The following PDZD8 variants were observed in gnomAD, a reference collection of about 807,000 sequenced individuals.
PDZD8 encodes PDZ domain-containing protein 8.
A neutral mutation model predicts 85.8 loss-of-function variants in PDZD8; 14 were observed. The observed-to-expected ratio is 0.16, with a 90% CI of 0.11 to 0.26. The LOEUF (loss-of-function observed/expected upper bound fraction) is 0.26. Ranked by LOEUF, PDZD8 falls within the 10% of genes least tolerant of loss-of-function variation. The probability of loss-of-function intolerance (pLI) is 1.00; values close to 1 mark genes in which losing one functional copy is unlikely to be tolerated. For missense variants in PDZD8, 1,197 were observed against 1,424.3 expected (o/e 0.84, Z 2.57); for synonymous variants, 592 against 568.6 (o/e 1.04, Z -0.59).
intron 3 of PDZD8, among the ~76,000 whole-genome samples, chr10:117,308,215 T>G (rs1303852354): frequency 6.6e-6 from 1 of 152,108 alleles, no homozygotes; most frequent in Non-Finnish European, 1.5e-5. Flanking sequence ...CAGCTCTTAA[T>G]AAGCTTGCTG....
At chr10:117,322,183 C>G (rs1367373128) in intron 2 of PDZD8, among the ~76,000 whole-genome samples, 1 of 152,066 alleles carries the variant, frequency 6.6e-6, no homozygotes, top group African/African-American at 2.4e-5. Context: ...AAGAACAAAC[C>G]AAATAAGGGG....
intron 3 of PDZD8, among the ~76,000 whole-genome samples, chr10:117,292,687 CTTAAT>C (rs530861419): frequency 2.7e-5 from 4 of 150,032 alleles, no homozygotes; most frequent in South Asian, 2.1e-4. Context: ...AATTTAGTTT[CTTAAT>C]TTATTTTCTA....
chr10:117,360,148 AATCAAG>A (rs1844971717), intron 1 of PDZD8, among the ~76,000 whole-genome samples: 1 of 152,224 alleles, frequency 6.6e-6, no homozygotes, highest in Non-Finnish European at 1.5e-5. Flanking sequence ...AAAGAGTGAT[AATCAAG>A]GCTGCAGGTC....
At chr10:117,348,813 A>G (rs1844751332) in intron 1 of PDZD8, among the ~76,000 whole-genome samples, 1 of 152,180 alleles carries the variant, frequency 6.6e-6, no homozygotes, top group South Asian at 2.1e-4. Flanking sequence ...GTCCATAACA[A>G]AACTCATATG....
chr10:117,357,765 CCAAAAAAAAAAAAAAAAAAAA>C (rs1844921733), intron 1 of PDZD8, among the ~76,000 whole-genome samples: 27 of 28,248 alleles, frequency 9.6e-4, no homozygotes, highest in East Asian at 3.1e-3. Flanking sequence ...GACTTCATCT[CCAAAAAAAAAAAAAAAAAAAA>C]AAAAAAAAAA....
At chr10:117,334,538 A>G (rs1405665179) in intron 2 of PDZD8, among the ~76,000 whole-genome samples, 1 of 152,004 alleles carries the variant, frequency 6.6e-6, no homozygotes, top group Non-Finnish European at 1.5e-5. Flanking sequence ...CTGACTCCTA[A>G]TGTGCTCAGA....
Position 117,282,674 on chromosome 10 carries a change from GACTAAAGCTGCAGCA to G in PDZD8, c.*579_*593del, listed in dbSNP as rs1291784609. On this transcript the variant is annotated 3_prime_UTR_variant, in exon 5 of 5. Transcript: ENST00000334464. ...TTTTTTTTACTAAATCAGCATAACA[GACTAAAGCTGCAGCA>G]TCTGCTTTCATGTTACATTTGGCAA... 4 of 152,002 alleles carry G rather than the reference GACTAAAGCTGCAGCA, an allele frequency of 2.6e-5. No homozygotes were observed. The East Asian group carries it at 7.7e-4, about 29-fold the overall frequency. 9.4% of individuals were successfully genotyped at this position (152,002 alleles called of 1,614,324 possible).
chr10:117,356,774 A>G (rs1010813706), intron 1 of PDZD8, among the ~76,000 whole-genome samples: 1 of 152,196 alleles, frequency 6.6e-6, no homozygotes, highest in Non-Finnish European at 1.5e-5. Context: ...ATTAAAAATA[A>G]CCCAGATAGC....
At chr10:117,320,959 T>C (rs1296828420) in intron 2 of PDZD8, among the ~76,000 whole-genome samples, 1 of 152,136 alleles carries the variant, frequency 6.6e-6, no homozygotes, top group Non-Finnish European at 1.5e-5. Context: ...AATGACTTTA[T>C]ACCCACTAGA....
intron 2 of PDZD8, among the ~76,000 whole-genome samples, chr10:117,323,302 G>C (rs1844259715): frequency 6.6e-6 from 1 of 152,162 alleles, no homozygotes; most frequent in Non-Finnish European, 1.5e-5. Flanking sequence ...CTAATGAAAA[G>C]CTAAAAATGC....
chr10:117,335,574 C>G (rs75538733), intron 2 of PDZD8, among the ~76,000 whole-genome samples: 2 of 152,072 alleles, frequency 1.3e-5, no homozygotes, highest in Non-Finnish European at 2.9e-5. Context: ...TGTTAATACT[C>G]TATGTATTTA....
At chr10:117,368,514 GTAAA>G (rs1845128750) in intron 1 of PDZD8, among the ~76,000 whole-genome samples, 1 of 152,154 alleles carries the variant, frequency 6.6e-6, no homozygotes, top group Admixed American at 6.5e-5. Flanking sequence ...GTATGAAAAA[GTAAA>G]TAAATACAAC....
intron 3 of PDZD8, among the ~76,000 whole-genome samples, chr10:117,301,109 C>A (rs1843839558): frequency 6.6e-6 from 1 of 152,108 alleles, no homozygotes; most frequent in Non-Finnish European, 1.5e-5. Context: ...TTACCTCAGC[C>A]ATCAGAGTAG....
At chr10:117,305,461 T>C (rs76058372) in intron 3 of PDZD8, among the ~76,000 whole-genome samples, 117 of 55,166 alleles carry the variant, frequency 2.1e-3, no homozygotes, top group East Asian at 9.1e-3. Flanking sequence ...CACACATATA[T>C]ACACACACAT....
chr10:117,278,891 C>G lies in PDZD8; in HGVS notation c.*4377G>C, dbSNP rs1445687994. The G allele has an allele frequency of 6.6e-6, 1 of 152,194 alleles. No homozygotes were observed. The highest frequency in any genetic ancestry group is 1.5e-5 in the Non-Finnish European group (1 of 68,036). The allele number at this position is 152,194 out of a possible 1,614,324, so 9.4% of individuals were successfully genotyped here. On this transcript the variant is annotated 3_prime_UTR_variant, in exon 5 of 5. Coordinates refer to ENST00000334464, the MANE Select transcript of PDZD8 (RefSeq NM_173791.5). ...GGAAGATGGCTCTGGAGGAAACTCT[C>G]ATATGGCTAAAAAGGCAGGCTAGTT...
chr10:117,344,778 AG>A (rs1248858028), intron 1 of PDZD8, among the ~76,000 whole-genome samples: 1 of 152,196 alleles, frequency 6.6e-6, no homozygotes, highest in East Asian at 1.9e-4. Context: ...AGAGGAGGAT[AG>A]GAACATTTCT....
chr10:117,335,647 T>A (rs1246831352), intron 2 of PDZD8, among the ~76,000 whole-genome samples: 2 of 152,102 alleles, frequency 1.3e-5, no homozygotes, highest in Admixed American at 1.3e-4. Context: ...CTGAAAGCAA[T>A]CTGAAACAAA....
chr10:117,310,242 C>T (rs538633659), intron 3 of PDZD8, among the ~76,000 whole-genome samples: 2 of 152,116 alleles, frequency 1.3e-5, no homozygotes, highest in African/African-American at 4.8e-5. Context: ...GTTCAAATGT[C>T]ACCGCCTTAA....
At chr10:117,350,443 T>C (rs1844785898) in intron 1 of PDZD8, among the ~76,000 whole-genome samples, 1 of 151,128 alleles carries the variant, frequency 6.6e-6, no homozygotes, top group South Asian at 2.1e-4. Flanking sequence ...TTTTTGTATT[T>C]TTAGTAGAGA....
Sources: allele counts gnomAD v4.1 joint callset (sites outside exome capture counted in the v4.1 genomes callset), GRCh38; gene constraint gnomAD v4.1.1; transcripts MANE v1.5; gene names NCBI Gene and HGNC (gene_info 2026-07-23, HGNC 2026-07-21).